SLCO6A1: variants seen among roughly 807,000 people sequenced by gnomAD.
SLCO6A1 encodes the protein solute carrier organic anion transporter family member 6A1, also known as cancer/testis antigen 48.
A neutral mutation model predicts 72.7 loss-of-function variants in SLCO6A1; 65 were observed. The observed-to-expected ratio is 0.89, with a 90% confidence interval of 0.73 to 1.10. The LOEUF is 1.10. Among genes scored for constraint, SLCO6A1 ranks in the 50% least tolerant of loss-of-function variants. The pLI is 0.00. For synonymous variants in SLCO6A1, 314 were observed against 298.2 expected, an observed-to-expected ratio of 1.05 and a Z score of -0.55; for missense variants, 874 against 872.6, an observed-to-expected ratio of 1.00 and a Z score of -0.02.
At chr5:102,478,114 G>A (rs779388789) in intron 2 of SLCO6A1, among the ~76,000 whole-genome samples, 1 of 152,022 alleles carries the variant, frequency 6.6e-6, no homozygotes, top group Non-Finnish European at 1.5e-5. Context: ...GAAGTGAGAG[G>A]ATTGTGACAA....
At chr5:102,382,827 T>C (rs769871250) in intron 12 of SLCO6A1, among the ~76,000 whole-genome samples, 19 of 151,316 alleles carry the variant, frequency 1.3e-4, no homozygotes, top group Non-Finnish European at 2.4e-4. Flanking sequence ...ATGCCGATTT[T>C]ATCCTGAAAC....
chr5:102,462,320 T>C (rs1192696380), intron 4 of SLCO6A1, among the ~76,000 whole-genome samples: 1 of 152,144 alleles, frequency 6.6e-6, no homozygotes, highest in Non-Finnish European at 1.5e-5. Flanking sequence ...CCAAAAGCAA[T>C]CTATTGATTC....
At chr5:102,437,578 C>G (rs1749610360) in intron 7 of SLCO6A1, among the ~76,000 whole-genome samples, 1 of 151,998 alleles carries the variant, frequency 6.6e-6, no homozygotes. Context: ...ACCTGGTGTG[C>G]TCATGAAAAA....
chr5:102,376,688 T>A (rs1745815022), intron 12 of SLCO6A1, among the ~76,000 whole-genome samples: 1 of 152,136 alleles, frequency 6.6e-6, no homozygotes, highest in Admixed American at 6.6e-5. Context: ...ATTGATATTA[T>A]CAAAAGACAA....
intron 6 of SLCO6A1, among the ~76,000 whole-genome samples, chr5:102,456,475 C>A (rs1356109971): frequency 1.3e-5 from 2 of 151,674 alleles, no homozygotes; most frequent in African/African-American, 2.4e-5. Flanking sequence ...GACAAACAGC[C>A]AAACCATGAA....
chr5:102,480,772 ATATT>A (rs201339502), intron 1 of SLCO6A1, among the ~76,000 whole-genome samples: 2,663 of 152,242 alleles, frequency 0.017, 35 homozygotes, highest in African/African-American at 0.033. Context: ...TACTAATATA[ATATT>A]TATTTATCTA....
At chr5:102,491,103 A>G (rs13168869) in intron 1 of SLCO6A1, among the ~76,000 whole-genome samples, 1 of 152,122 alleles carries the variant, frequency 6.6e-6, no homozygotes, top group Non-Finnish European at 1.5e-5. Flanking sequence ...AGCTAGATAC[A>G]CAGTGTCCAC....
At chr5:102,432,153 T>C (rs1749255044) in intron 7 of SLCO6A1, among the ~76,000 whole-genome samples, 1 of 152,230 alleles carries the variant, frequency 6.6e-6, no homozygotes, top group Non-Finnish European at 1.5e-5. Flanking sequence ...ACACATTTCT[T>C]GAAGACAGCA....
intron 2 of SLCO6A1, among the ~76,000 whole-genome samples, chr5:102,479,943 G>GA (rs1464002775): frequency 1.3e-5 from 2 of 152,232 alleles, no homozygotes; most frequent in East Asian, 1.9e-4. Flanking sequence ...AACAACATCT[G>GA]AAAATAAATG....
intron 7 of SLCO6A1, among the ~76,000 whole-genome samples, chr5:102,433,901 C>T (rs1338097024): frequency 6.6e-6 from 1 of 152,040 alleles, no homozygotes; most frequent in Non-Finnish European, 1.5e-5. Context: ...TTCTTGTGTT[C>T]TTTAAAGGAT....
chr5:102,463,676 C>T (rs534647588), intron 4 of SLCO6A1, among the ~76,000 whole-genome samples: 9 of 152,184 alleles, frequency 5.9e-5, no homozygotes, highest in East Asian at 5.8e-4. Context: ...CACCTGAGCT[C>T]GGGAGTTCAA....
At chr5:102,390,130 T>C (rs888114216) in intron 11 of SLCO6A1, among the ~76,000 whole-genome samples, 1 of 152,082 alleles carries the variant, frequency 6.6e-6, no homozygotes, top group Non-Finnish European at 1.5e-5. Flanking sequence ...CTATAGACAG[T>C]TTATGTCTAT....
At chr5:102,487,120 A>G (rs1467423292) in intron 1 of SLCO6A1, among the ~76,000 whole-genome samples, 2 of 152,206 alleles carry the variant, frequency 1.3e-5, no homozygotes, top group Admixed American at 1.3e-4. Flanking sequence ...TTAAACTAGA[A>G]CAGTTAAATC....
At chr5:102,453,372 A>C (rs1750535248) in intron 6 of SLCO6A1, among the ~76,000 whole-genome samples, 1 of 152,000 alleles carries the variant, frequency 6.6e-6, no homozygotes, top group African/African-American at 2.4e-5. Context: ...GAAAGGAAAA[A>C]AGCAAACATT....
At chr5:102,450,419 T>C (rs1007433671) in intron 6 of SLCO6A1, among the ~76,000 whole-genome samples, 3 of 152,226 alleles carry the variant, frequency 2.0e-5, no homozygotes, top group East Asian at 3.9e-4. Context: ...GTGTTGAAGT[T>C]TGGGCTGCAA....
At chr5:102,480,741 T>G (rs1752152096) in intron 1 of SLCO6A1, among the ~76,000 whole-genome samples, 1 of 152,150 alleles carries the variant, frequency 6.6e-6, no homozygotes, top group Admixed American at 6.5e-5. Flanking sequence ...GCATTTCACA[T>G]TATAAAAAAT....
chr5:102,487,061 T>C (rs556679211), intron 1 of SLCO6A1, among the ~76,000 whole-genome samples: 1 of 152,354 alleles, frequency 6.6e-6, no homozygotes, highest in South Asian at 2.1e-4. Context: ...AGCTATTATT[T>C]TAATTTTCAT....
intron 12 of SLCO6A1, among the ~76,000 whole-genome samples, chr5:102,383,645 C>T (rs945888110): frequency 1.6e-4 from 24 of 151,740 alleles, no homozygotes; most frequent in African/African-American, 4.3e-4. Context: ...GGGATATTGG[C>T]CCTTAATTTT....
At chr5:102,434,139 A>G (rs2112663968) in intron 7 of SLCO6A1, among the ~76,000 whole-genome samples, 1 of 152,164 alleles carries the variant, frequency 6.6e-6, no homozygotes, top group African/African-American at 2.4e-5. Flanking sequence ...ATATCTTGCA[A>G]GCAGAAGCAC....
Sources: gnomAD v4.1 joint callset for allele counts (sites outside exome capture counted in the v4.1 genomes callset) on GRCh38, gnomAD v4.1.1 for gene constraint, MANE v1.5 for transcripts, NCBI Gene and HGNC (gene_info 2026-07-23, HGNC 2026-07-21) for gene names.